The following PARP8 variants were observed in gnomAD, a reference collection of about 807,000 sequenced individuals.
PARP8 encodes protein mono-ADP-ribosyltransferase PARP8.
PARP8 carries 51 observed loss-of-function variants against 124.1 expected under a neutral mutation model. That is an observed-to-expected ratio of 0.41 (90% CI 0.33 to 0.52). The LOEUF is 0.52. PARP8 is among the 20% of genes least tolerant of loss of function. The pLI, the probability that PARP8 is intolerant of heterozygous loss-of-function variation, is 0.21. For missense variants in PARP8, 860 were observed against 1,018.9 expected (o/e 0.84, Z 2.12); for synonymous variants, 391 against 361.5 (o/e 1.08, Z -0.93).
At chr5:50,730,429 A>T (rs1756860579) in intron 2 of PARP8, among the ~76,000 whole-genome samples, 1 of 152,154 alleles carries the variant, frequency 6.6e-6, no homozygotes, top group Non-Finnish European at 1.5e-5. Context: ...AGTGCTGAGC[A>T]AAAGGGGGAA....
intron 3 of PARP8, chr5:50,757,279 G>A: frequency 2.5e-6 from 1 of 396,860 alleles, no homozygotes; most frequent in Non-Finnish European, 5.1e-6. Context: ...AAAAAAAACA[G>A]GCCAATAATC....
chr5:50,709,890 G>A (rs1159118998), intron 2 of PARP8, among the ~76,000 whole-genome samples: 1 of 143,484 alleles, frequency 7.0e-6, no homozygotes, highest in Non-Finnish European at 1.5e-5. Flanking sequence ...TGTTGGGGGG[G>A]AGAGACTATG....
intron 2 of PARP8, among the ~76,000 whole-genome samples, chr5:50,744,482 G>A (rs578235456): frequency 1.3e-5 from 2 of 152,296 alleles, no homozygotes; most frequent in East Asian, 3.9e-4. Flanking sequence ...GATGTCTTTG[G>A]TTGGGCCAGA....
At position 50,843,009 on chromosome 5, in the gene PARP8, T is replaced by G. The variant is rs1158681677; in HGVS notation, c.*941T>G. 6.6e-6 allele frequency: 1 copy of G among 151,688 alleles called. No individual in the cohort carries two copies. Among genetic ancestry groups the G allele is most frequent in the African/African-American group, 2.4e-5 (1 of 41,384 alleles). 9.4% of individuals were successfully genotyped at this position (151,688 alleles called of 1,614,324 possible). On this transcript the variant is annotated 3_prime_UTR_variant, in exon 26 of 26. Transcript: ENST00000281631. ...ATATTTTTTATTTACTACAAAAAAATTATACAATTTTATTTATGCCACACC... is the reference window on the plus strand; with the variant it reads ...ATATTTTTTATTTACTACAAAAAAAGTATACAATTTTATTTATGCCACACC...
chr5:50,837,201 A>G (rs767388398), intron 25 of PARP8, among the ~76,000 whole-genome samples: 10 of 152,202 alleles, frequency 6.6e-5, no homozygotes, highest in Non-Finnish European at 1.2e-4. Flanking sequence ...TCGTGTTATC[A>G]TATTAAGATA....
rs1184855365 is a variant in PARP8 at position 50,832,836 on chromosome 5, AAGC to A, written c.2294_2296del (p.Ser765del). 1.2e-6 allele frequency: 2 copies of A among 1,613,338 alleles called. No individual in the cohort carries two copies. The highest frequency in any genetic ancestry group is 1.7e-6 in the Non-Finnish European group (2 of 1,179,550). ...AGGACGAGCCAGCTTCAAGCAGTAA[AAGC>A]AGCAATACATCACAGGTGTTGTAGT... On this transcript the variant is annotated inframe_deletion, in exon 23 of 26. Transcript: ENST00000281631.
chr5:50,750,015 C>A, intron 2 of PARP8, 136 bp from the exon 3 acceptor site: 1 of 688,732 alleles, frequency 1.5e-6, no homozygotes, highest in East Asian at 2.7e-5. Flanking sequence ...GTTTTCTAAT[C>A]TGTTTTGGAA....
intron 2 of PARP8, among the ~76,000 whole-genome samples, chr5:50,677,582 A>G (rs1416796756): frequency 6.6e-6 from 1 of 152,170 alleles, no homozygotes; most frequent in Non-Finnish European, 1.5e-5. Flanking sequence ...CTCAGAAATG[A>G]TGAGACTGGG....
chr5:50,806,714 G>A (rs918549546), intron 14 of PARP8, among the ~76,000 whole-genome samples: 13 of 152,022 alleles, frequency 8.6e-5, no homozygotes, highest in Non-Finnish European at 1.3e-4. Context: ...GATAGACACA[G>A]GAAGAACTAT....
chr5:50,826,899 C>T, intron 19 of PARP8, 96 bp downstream of exon 19: 1 of 1,487,118 alleles, frequency 6.7e-7, no homozygotes, highest in Non-Finnish European at 9.0e-7. Context: ...GCCAGACTCT[C>T]CAAGAATTGA....
At chr5:50,770,543 G>C (rs1457502637) in intron 7 of PARP8, among the ~76,000 whole-genome samples, 2 of 150,868 alleles carry the variant, frequency 1.3e-5, no homozygotes, top group Admixed American at 6.6e-5. Flanking sequence ...GAGAGAAAGA[G>C]AGAGAGAGAG....
In PARP8 at chr5:50,805,645, A is replaced by G. The variant is rs542643510; in HGVS notation, c.1575+8412A>G. ...TATATGTTTGAAAAGATAAAACACA[A>G]AACTTGGAAAGCAATAATTTTATTA... On this transcript the variant is annotated intron_variant, in intron 14 of 25. Transcript: ENST00000281631. Among the ~76,000 whole-genome samples the G allele has an allele frequency of 3.9e-5, 4 of 102,188 alleles. No homozygotes were observed. The East Asian group carries it at 8.4e-4, about 21-fold the overall frequency. The allele number at this position is 102,188 out of a possible 152,430, so 67.0% of individuals were successfully genotyped here.
chr5:50,668,056 G>A lies in PARP8; in HGVS notation c.92-15G>A. ...CCACTCCAGGGGTAGCTTTTGACGGGACTTTCTGTTTCAGATTTCAGATAC... is the reference window on the plus strand; with the variant it reads ...CCACTCCAGGGGTAGCTTTTGACGGAACTTTCTGTTTCAGATTTCAGATAC... On this transcript the variant is annotated splice_polypyrimidine_tract_variant and intron_variant, in intron 1 of 25. Transcript: ENST00000281631. The A allele has an allele frequency of 6.2e-7, 1 of 1,612,056 alleles. No individual in the cohort carries two copies. Among genetic ancestry groups the A allele is most frequent in the Non-Finnish European group, 8.5e-7 (1 of 1,179,988 alleles).
At chr5:50,833,921 G>A in intron 23 of PARP8, 58 bp from the exon 24 acceptor site, 1 of 1,441,948 alleles carries the variant, frequency 6.9e-7, no homozygotes. Flanking sequence ...ATGATGAACA[G>A]CTTTTTTCAC....
intron 2 of PARP8, among the ~76,000 whole-genome samples, chr5:50,695,485 C>T (rs555120350): frequency 2.6e-5 from 4 of 152,226 alleles, no homozygotes; most frequent in Non-Finnish European, 5.9e-5. Context: ...TTCATAAAAG[C>T]CGTAATTTGT....
intron 14 of PARP8, among the ~76,000 whole-genome samples, chr5:50,804,938 TC>T (rs1371789414): frequency 6.6e-6 from 1 of 152,174 alleles, no homozygotes; most frequent in Non-Finnish European, 1.5e-5. Context: ...CTTTTTTTTT[TC>T]CAAAATGGAA....
intron 15 of PARP8, among the ~76,000 whole-genome samples, chr5:50,817,667 T>A (rs909667158): frequency 7.9e-5 from 12 of 152,216 alleles, no homozygotes; most frequent in Non-Finnish European, 1.3e-4. Context: ...AGATTTTTTT[T>A]AAATTACTAT....
chr5:50,821,370 A>C (rs1210205239), intron 16 of PARP8, 32 bp downstream of exon 16: 24 of 1,611,550 alleles, frequency 1.5e-5, no homozygotes, highest in Non-Finnish European at 1.8e-5. Context: ...CCAATCACAA[A>C]GTTTTCTTTA....
chr5:50,786,389 G>A (rs1289402700), intron 9 of PARP8, among the ~76,000 whole-genome samples: 2 of 148,658 alleles, frequency 1.3e-5, no homozygotes, highest in African/African-American at 5.0e-5. Context: ...TTTTCAGATA[G>A]GTTCTTGCTC....
Sources: allele counts gnomAD v4.1 joint callset (sites outside exome capture counted in the v4.1 genomes callset), GRCh38; gene constraint gnomAD v4.1.1; transcripts MANE v1.5; gene names NCBI Gene and HGNC (gene_info 2026-07-23, HGNC 2026-07-21).